The following SUB1 variants were observed in gnomAD, a reference collection of about 807,000 sequenced individuals.
SUB1 encodes the protein activated RNA polymerase II transcriptional coactivator p15.
In SUB1, 1 loss-of-function variant was observed where a neutral mutation model predicts 16.9. The ratio of observed to expected loss-of-function variants is 0.06; its 90% CI spans 0.02 to 0.28. The LOEUF (loss-of-function observed/expected upper bound fraction) is 0.28, where lower values mean the gene tolerates loss of function less well. SUB1 is among the 10% of genes least tolerant of loss of function. SUB1 has a pLI of 1.00. For synonymous variants in SUB1, 51 were observed against 46.9 expected, an observed-to-expected ratio of 1.09 and a Z score of -0.36; for missense variants, 84 against 145.2, an observed-to-expected ratio of 0.58 and a Z score of 2.16.
At chr5:32,592,496 CAAG>C (rs944212630) in intron 3 of SUB1, among the ~76,000 whole-genome samples, 5 of 151,994 alleles carry the variant, frequency 3.3e-5, no homozygotes, top group South Asian at 2.1e-4. Flanking sequence ...CATCTTTGTA[CAAG>C]AAGGATTTGT....
Position 32,591,610 on chromosome 5 carries a change from A to C in SUB1, c.120A>C (p.Gln40His), listed in dbSNP as rs752870333. 1 of 1,610,812 alleles carries C rather than the reference A, an allele frequency of 6.2e-7. No individual in the cohort carries two copies. ...CTCCAGAAAAACCTGTAAAGAAACA[A>C]AAGACAGGTGAGACTTCGAGAGCCC... ...QVAPEKPVKK[Q>H]KTGETSRALS... is the part of the protein sequence containing the mutation. Residue 40 changes from glutamine (Q) to histidine (H), a missense_variant, in exon 3 of 5, where the codon CAA becomes CAC. Transcript: ENST00000265073.
At chr5:32,598,841 A>G (rs1213537753) in intron 3 of SUB1, 120 bp from the exon 4 acceptor site, 8 of 724,894 alleles carry the variant, frequency 1.1e-5, no homozygotes, top group Non-Finnish European at 1.9e-5. Context: ...AAGGGTCAGC[A>G]GTAGTCATTT....
At chr5:32,593,896 G>A (rs982872630) in intron 3 of SUB1, among the ~76,000 whole-genome samples, 1 of 152,142 alleles carries the variant, frequency 6.6e-6, no homozygotes, top group Non-Finnish European at 1.5e-5. Context: ...ATTTCACCTG[G>A]TTGGCCAGGA....
intron 2 of SUB1, 114 bp downstream of exon 2, chr5:32,588,698 G>A (rs1738737191): frequency 1.7e-5 from 18 of 1,078,210 alleles, no homozygotes; most frequent in South Asian, 4.3e-5. Flanking sequence ...CTAGCTGGGC[G>A]CGGTGGCTCA....
At chr5:32,600,609 T>G (rs1330346713) in intron 4 of SUB1, among the ~76,000 whole-genome samples, 1 of 150,998 alleles carries the variant, frequency 6.6e-6, no homozygotes, top group Admixed American at 6.6e-5. Context: ...AGTGGCAATT[T>G]TTTTTTTTTT....
rs569936994 is a variant in SUB1, at chr5:32,591,584, G to T, written c.94G>T (p.Ala32Ser). 6.2e-7 allele frequency: 1 copy of T among 1,602,292 alleles called. No individual in the cohort carries two copies. Among genetic ancestry groups the T allele is most frequent in the African/African-American group, 1.4e-5 (1 of 74,016 alleles). Residue 32 changes from alanine to serine, a missense_variant, in exon 3 of 5, where the codon GCT becomes TCT. Ala to Ser is a moderately conservative substitution (Grantham distance 99, BLOSUM62 1). Coordinates refer to ENST00000265073, the MANE Select transcript of SUB1 (RefSeq NM_006713.4). ...DKKLKRKKQV[A>S]PEKPVKKQKT... ...CTAGTTAAAGAGGAAAAAGCAAGTTGCTCCAGAAAAACCTGTAAAGAAACA... is the reference window on the plus strand; with the variant it reads ...CTAGTTAAAGAGGAAAAAGCAAGTTTCTCCAGAAAAACCTGTAAAGAAACA...
intron 1 of SUB1, 26 bp from the exon 2 acceptor site, chr5:32,588,486 A>G: frequency 6.2e-7 from 1 of 1,600,556 alleles, no homozygotes; most frequent in Non-Finnish European, 8.5e-7. Flanking sequence ...CTTATTAATT[A>G]TTTTTGTAAT....
intron 2 of SUB1, 104 bp from the exon 3 acceptor site, chr5:32,591,459 A>G: frequency 7.2e-7 from 1 of 1,394,584 alleles, no homozygotes; most frequent in Non-Finnish European, 9.5e-7. Context: ...GATATTTTGG[A>G]TGTAGTCTTT....
intron 4 of SUB1, 69 bp downstream of exon 4, chr5:32,599,138 T>A: frequency 8.8e-7 from 1 of 1,131,280 alleles, no homozygotes; most frequent in Non-Finnish European, 1.3e-6. Flanking sequence ...AGTAGCTTAC[T>A]TGAAATGTTG....
rs1739131333 is a variant in SUB1, at chr5:32,602,196, C to T, written c.*1112C>T. On this transcript the variant is annotated 3_prime_UTR_variant, in exon 5 of 5. Coordinates refer to ENST00000265073, the MANE Select transcript of SUB1 (RefSeq NM_006713.4). ...TTTGTATTTAACCATACTGATGAAG[C>T]AGACAGATTGAGGCACAGATTTTAG... 1 of 455,254 alleles carries T rather than the reference C, an allele frequency of 2.2e-6. No homozygotes were observed. Among genetic ancestry groups the T allele is most frequent in the Non-Finnish European group, 4.4e-6 (1 of 226,524 alleles). 28.2% of individuals were successfully genotyped at this position (455,254 alleles called of 1,614,324 possible). A position where few individuals can be genotyped will look rare whatever the true frequency, so the allele number is the denominator to read the frequency against.
Position 32,591,592 on chromosome 5 carries a change from A to G in SUB1, c.102A>G (p.Glu34=). ...KLKRKKQVAP[E]KPVKKQKTGE... ...AGAGGAAAAAGCAAGTTGCTCCAGA[A>G]AAACCTGTAAAGAAACAAAAGACAG... The change falls in exon 3 of 5, where the codon GAA becomes GAG. Residue 34 remains glutamate (E), a synonymous_variant. Coordinates refer to ENST00000265073, the MANE Select transcript of SUB1 (RefSeq NM_006713.4). 6.2e-7 allele frequency: 1 copy of G among 1,606,966 alleles called. No individual in the cohort carries two copies. The highest frequency in any genetic ancestry group is 1.7e-5 in the Admixed American group (1 of 58,482).
chr5:32,595,081 C>A (rs1031313862), intron 3 of SUB1: 1 of 151,846 alleles, frequency 6.6e-6, no homozygotes, highest in Admixed American at 6.6e-5. Flanking sequence ...GTAATATATC[C>A]CTATACTACT....
intron 3 of SUB1, chr5:32,595,359 A>G (rs1387515271): frequency 1.3e-5 from 2 of 152,228 alleles, no homozygotes; most frequent in Non-Finnish European, 2.9e-5. Flanking sequence ...TGTCCTAGGT[A>G]ATCACTGATC....
chr5:32,600,257 G>A (rs1467179864), intron 4 of SUB1, among the ~76,000 whole-genome samples: 4 of 152,124 alleles, frequency 2.6e-5, no homozygotes, highest in Non-Finnish European at 4.4e-5. Flanking sequence ...ATCACGTCCT[G>A]GGAATTTTTC....
intron 4 of SUB1, among the ~76,000 whole-genome samples, chr5:32,600,625 A>G (rs1293000841): frequency 6.8e-6 from 1 of 146,650 alleles, no homozygotes; most frequent in Non-Finnish European, 1.5e-5. Flanking sequence ...TTTTTTTTAG[A>G]TGGAGTCTTG....
intron 1 of SUB1, among the ~76,000 whole-genome samples, chr5:32,588,260 G>C (rs1213897843): frequency 1.3e-5 from 2 of 152,180 alleles, no homozygotes; most frequent in East Asian, 3.8e-4. Context: ...CTGGAGAAAG[G>C]TTAGAGGTGT....
In SUB1 at chr5:32,601,266, A is replaced by G. The variant is rs1290972916; in HGVS notation, c.*182A>G. ...AAATATTGAGTGAAGCTAATTGTCA[A>G]CTTTATTAAGGATTACTTTGTCTGC... On this transcript the variant is annotated 3_prime_UTR_variant, in exon 5 of 5. Transcript: ENST00000265073. 2.0e-5 allele frequency: 11 copies of G among 552,652 alleles called. 1 individual carries two copies. The highest frequency in any genetic ancestry group is 6.7e-5 in the South Asian group (3 of 44,590). The allele number at this position is 552,652 out of a possible 1,614,324, so 34.2% of individuals were successfully genotyped here. A position where few individuals can be genotyped will look rare whatever the true frequency, so the allele number is the denominator to read the frequency against.
intron 3 of SUB1, among the ~76,000 whole-genome samples, chr5:32,593,591 G>A (rs967179576): frequency 2.6e-5 from 4 of 152,110 alleles, no homozygotes; most frequent in African/African-American, 7.2e-5. Context: ...CCAGAAAAAC[G>A]GAGCTTCATT....
chr5:32,599,110 T>C, intron 4 of SUB1, 41 bp downstream of exon 4: 1 of 1,484,136 alleles, frequency 6.7e-7, no homozygotes, highest in Admixed American at 1.8e-5. Context: ...GTGTTAGGAC[T>C]AAACGACAAC....
Sources: gnomAD v4.1 joint callset for allele counts (sites outside exome capture counted in the v4.1 genomes callset) on GRCh38, gnomAD v4.1.1 for gene constraint, MANE v1.5 for transcripts, NCBI Gene and HGNC (gene_info 2026-07-23, HGNC 2026-07-21) for gene names.